Variants in TGM3 observed in about 807,000 individuals in gnomAD.
The protein encoded by TGM3 is protein-glutamine gamma-glutamyltransferase E.
Under a neutral mutation model 73.8 loss-of-function variants are expected in TGM3, and 52 were observed. The observed-to-expected ratio is 0.70, with a 90% CI of 0.56 to 0.89. The LOEUF is 0.89. TGM3 is among the 40% of genes least tolerant of loss of function. TGM3 has a pLI of 0.00. For missense variants in TGM3, 928 were observed against 909.9 expected (o/e 1.02, Z -0.26); for synonymous variants, 372 against 354.9 (o/e 1.05, Z -0.54).
At chr20:2,298,203 G>C (rs1439891455) in intron 1 of TGM3, among the ~76,000 whole-genome samples, 1 of 152,166 alleles carries the variant, frequency 6.6e-6, no homozygotes, top group Non-Finnish European at 1.5e-5. Context: ...GTTGCAATCA[G>C]AAGGGGTTCC....
At position 2,331,996 on chromosome 20, in the gene TGM3, A is replaced by G. The variant is rs1286789736; in HGVS notation, c.1334-6A>G. 3 of 1,589,786 alleles carry G rather than the reference A, an allele frequency of 1.9e-6. No individual in the cohort carries two copies. The highest frequency in any genetic ancestry group is 2.6e-6 in the Non-Finnish European group (3 of 1,167,444). On this transcript the variant is annotated splice_region_variant and splice_polypyrimidine_tract_variant and intron_variant, in intron 9 of 12. Transcript: ENST00000381458. ...TGGCATGTTTCTGTCTTTTCCCACC[A>G]CACAGGCTCTGACCAGGAAAGACAA... is the stretch of plus-strand genomic sequence containing the variant.
At chr20:2,339,738 T>C in intron 11 of TGM3, 116 bp from the exon 12 acceptor site, 5 of 1,433,208 alleles carry the variant, frequency 3.5e-6, no homozygotes, top group Non-Finnish European at 4.8e-6. Context: ...GGTCTCCCCT[T>C]CTTCATCCTC....
At chr20:2,324,184 G>A (rs1361536341) in intron 7 of TGM3, among the ~76,000 whole-genome samples, 1 of 151,568 alleles carries the variant, frequency 6.6e-6, no homozygotes, top group African/African-American at 2.4e-5. Context: ...TCAGATATTT[G>A]TGCTTTTTCC....
intron 1 of TGM3, among the ~76,000 whole-genome samples, chr20:2,296,479 G>T (rs190976161): frequency 9.1e-4 from 139 of 152,278 alleles, no homozygotes; most frequent in African/African-American, 3.2e-3. Context: ...TGTCAGCAAA[G>T]AAGCACATCT....
chr20:2,322,861 A>G (rs971477729), intron 7 of TGM3, among the ~76,000 whole-genome samples: 1 of 152,250 alleles, frequency 6.6e-6, no homozygotes, highest in African/African-American at 2.4e-5. Flanking sequence ...AGTAATTGAC[A>G]TGATAGAAAA....
chr20:2,310,951 A>G, intron 3 of TGM3, 60 bp from the exon 4 acceptor site: 1 of 1,466,494 alleles, frequency 6.8e-7, no homozygotes. Context: ...GAGAGGAGGA[A>G]CGATCCCTAC....
chr20:2,321,864 G>A (rs1029933200), intron 7 of TGM3, among the ~76,000 whole-genome samples: 6 of 152,328 alleles, frequency 3.9e-5, no homozygotes, highest in Admixed American at 3.9e-4. Flanking sequence ...TTTTGCATGA[G>A]GGAGGAACCA....
At chr20:2,335,091 C>T (rs1162176208) in intron 10 of TGM3, 25 bp from the exon 11 acceptor site, 2 of 1,613,438 alleles carry the variant, frequency 1.2e-6, no homozygotes, top group South Asian at 1.1e-5. Context: ...CCCCCTCACT[C>T]GGATCCCCTG....
Position 2,311,095 on chromosome 20 carries a change from A to C in TGM3, c.506A>C (p.Asn169Thr). 1 of 1,614,092 alleles carries C rather than the reference A, an allele frequency of 6.2e-7. No individual in the cohort carries two copies. The highest frequency in any genetic ancestry group is 1.3e-5 in the African/African-American group (1 of 75,014). The change falls in exon 4 of 13, where the codon AAC becomes ACC. Residue 169 changes from asparagine to threonine, a missense_variant. By Grantham distance (65) the Asn-to-Thr change is moderately conservative. Transcript: ENST00000381458. ...DAGIIFVGST[N>T]RIGMIGWNFG... ...GGCATCATCTTTGTGGGAAGCACAA[A>C]CCGAATTGGCATGATTGGCTGGAAC...
chr20:2,301,322 C>G (rs2084146156), intron 1 of TGM3, among the ~76,000 whole-genome samples: 1 of 150,260 alleles, frequency 6.7e-6, no homozygotes, highest in Non-Finnish European at 1.5e-5. Flanking sequence ...TGTCGGTGAC[C>G]AGGATCTGAG....
intron 4 of TGM3, among the ~76,000 whole-genome samples, 184 bp from the exon 5 acceptor site, chr20:2,312,714 G>A (rs2084212843): frequency 6.6e-6 from 1 of 152,124 alleles, no homozygotes; most frequent in Non-Finnish European, 1.5e-5. Flanking sequence ...TGTAGTGAGT[G>A]CTCTGGATGA....
chr20:2,312,713 T>A (rs1049575155), intron 4 of TGM3, among the ~76,000 whole-genome samples, 185 bp from the exon 5 acceptor site: 19 of 152,160 alleles, frequency 1.2e-4, no homozygotes, highest in African/African-American at 4.6e-4. Context: ...GTGTAGTGAG[T>A]GCTCTGGATG....
In TGM3 at chr20:2,328,009, T is replaced by C; in HGVS notation, c.1088-111T>C. 2 of 1,487,478 alleles carry C rather than the reference T, an allele frequency of 1.3e-6. No individual in the cohort carries two copies. The highest frequency in any genetic ancestry group is 1.8e-6 in the Non-Finnish European group (2 of 1,088,744). The allele number at this position is 1,487,478 out of a possible 1,614,324, so 92.1% of individuals were successfully genotyped here. Reference sequence around the variant, plus strand: ...ACACACAGTCAGGGGTGAAGGAATTTGGGCGGGGCAGAGGCAGGGGGTTGC... The same window carrying C: ...ACACACAGTCAGGGGTGAAGGAATTCGGGCGGGGCAGAGGCAGGGGGTTGC... On this transcript the variant is annotated intron_variant, in intron 8 of 12. Transcript: ENST00000381458. This position sits in a 1 kb window ranked among gnomAD's most constrained non-coding sequence, Gnocchi z 5.2.
intron 7 of TGM3, among the ~76,000 whole-genome samples, chr20:2,323,334 A>T (rs755172421): frequency 6.6e-6 from 1 of 152,096 alleles, no homozygotes; most frequent in Admixed American, 6.6e-5. Flanking sequence ...TGATTTTCTT[A>T]TTTCATGATA....
rs1365527194 is a variant in TGM3, at chr20:2,307,641, T to TCTTA, written c.8-2015_8-2012dup. 1.1e-4 allele frequency among the ~76,000 whole-genome samples: 16 copies of TCTTA among 152,272 alleles called. 1 individual carries two copies. In the Middle Eastern group the frequency reaches 0.037, roughly 356 times the overall value. The stretch of plus-strand genomic sequence containing the variant: ...CACCATTCATGATCACTTATGCTTG[T>TCTTA]CTTATCCACTGCTGAAGCTCTTGGA... On this transcript the variant is annotated intron_variant, in intron 1 of 12. Coordinates refer to ENST00000381458, the MANE Select transcript of TGM3 (RefSeq NM_003245.4).
Position 2,332,798 on chromosome 20 carries a change from G to C in TGM3, c.1642+488G>C, listed in dbSNP as rs1015038675. Among the ~76,000 whole-genome samples, 4 of 152,078 alleles carry C rather than the reference G, an allele frequency of 2.6e-5. No individual in the cohort carries two copies. Among genetic ancestry groups the C allele is most frequent in the Non-Finnish European group, 5.9e-5 (4 of 68,006 alleles). On this transcript the variant is annotated intron_variant, in intron 10 of 12. Transcript: ENST00000381458. The surrounding 1 kb of genome is among the most constrained non-coding windows in gnomAD (Gnocchi z 4.4). ...CACCCCCTGTTTTCTATGTTGTATT[G>C]TTCTTACCCACCTCACCCCCACTCC...
intron 10 of TGM3, among the ~76,000 whole-genome samples, chr20:2,333,797 T>C (rs1440439350): frequency 4.6e-5 from 7 of 152,142 alleles, no homozygotes; most frequent in African/African-American, 1.2e-4. Context: ...AAGGCAGGTG[T>C]AGTGGTCTTA....
intron 11 of TGM3, 150 bp from the exon 12 acceptor site, chr20:2,339,704 G>C: frequency 2.0e-6 from 2 of 992,954 alleles, no homozygotes; most frequent in South Asian, 1.6e-5. Flanking sequence ...GACACAATGT[G>C]CCTGGCACCT....
intron 8 of TGM3, among the ~76,000 whole-genome samples, chr20:2,326,426 C>A (rs2084288416): frequency 6.6e-6 from 1 of 152,256 alleles, no homozygotes; most frequent in Admixed American, 6.5e-5. Context: ...CTCTGGCCTC[C>A]CTCTGTCTCC....
Sources: gnomAD v4.1 joint callset for allele counts (sites outside exome capture counted in the v4.1 genomes callset) on GRCh38, gnomAD v4.1.1 for gene constraint, Gnocchi (gnomAD v3.1) non-coding constraint, MANE v1.5 for transcripts, NCBI Gene and HGNC (gene_info 2026-07-23, HGNC 2026-07-21) for gene names.